CHLSN: variants seen among roughly 807,000 people sequenced by gnomAD.
CHLSN encodes cholesin, also known as protein cholesin.
At chr7:1,096,960 C>G in the CHLSN span, among the ~76,000 whole-genome samples, 1 of 152,140 alleles carries the variant, frequency 6.6e-6, no homozygotes, top group African/African-American at 2.4e-5. This position sits in a 1 kb window ranked among gnomAD's most constrained non-coding sequence, Gnocchi z 4.6. Context: ...CAAAGCCGTC[C>G]TAGACACCCC....
chr7:1,030,742 C>A, the CHLSN span, among the ~76,000 whole-genome samples: 1 of 150,134 alleles, frequency 6.7e-6, no homozygotes, highest in Admixed American at 6.6e-5. Flanking sequence ...GGGGGACTCT[C>A]TCTCTCTCCC....
At chr7:1,040,863 G>A in the CHLSN span, among the ~76,000 whole-genome samples, 1 of 152,238 alleles carries the variant, frequency 6.6e-6, no homozygotes, top group African/African-American at 2.4e-5. Context: ...ACAACGAGAA[G>A]GCGCAGCTCG....
the CHLSN span, chr7:1,087,383 T>C: frequency 6.6e-6 from 1 of 152,210 alleles, no homozygotes; most frequent in African/African-American, 2.4e-5. Context: ...TTTTTGCAGA[T>C]TTTGGAATAT....
chr7:1,104,889 T>C, the CHLSN span, among the ~76,000 whole-genome samples: 1 of 152,368 alleles, frequency 6.6e-6, no homozygotes, highest in East Asian at 1.9e-4. Context: ...TAATATTCTT[T>C]ACAAACATGA....
At chr7:1,070,619 C>T in the CHLSN span, among the ~76,000 whole-genome samples, 81,575 of 147,352 alleles carry the variant, frequency 0.55, 22,784 homozygotes, top group African/African-American at 0.69. Context: ...TGCATGCACA[C>T]ACGCACACAA....
At chr7:1,136,319 C>CATAT in the CHLSN span, among the ~76,000 whole-genome samples, 4 of 84,098 alleles carry the variant, frequency 4.8e-5, no homozygotes, top group Non-Finnish European at 4.0e-5. Flanking sequence ...TATATATAAA[C>CATAT]ATAAATATAT....
the CHLSN span, among the ~76,000 whole-genome samples, chr7:1,002,426 T>C: frequency 3.7e-5 from 4 of 109,402 alleles, no homozygotes; most frequent in Non-Finnish European, 5.6e-5. Context: ...GGGAGTCCTG[T>C]GGGTGGGGAG....
chr7:985,130 G>C, the CHLSN span: 2 of 1,604,056 alleles, frequency 1.2e-6, no homozygotes, highest in Non-Finnish European at 1.7e-6. Flanking sequence ...GCCCCTCCCC[G>C]GGCCTGGACG....
At chr7:1,100,775 A>C in the CHLSN span, among the ~76,000 whole-genome samples, 1 of 152,094 alleles carries the variant, frequency 6.6e-6, no homozygotes, top group African/African-American at 2.4e-5. Context: ...GTGGTTAAAA[A>C]AAAAAACAAA....
chr7:987,944 C>CCTGTGTGTCCTGGGGGTCCCCT, the CHLSN span, among the ~76,000 whole-genome samples: 2 of 125,312 alleles, frequency 1.6e-5, no homozygotes, highest in African/African-American at 7.2e-5. Flanking sequence ...GGGGGGGTCC[C>CCTGTGTGTCCTGGGGGTCCCCT]CTGTGTGTCC....
At chr7:980,174 C>T in the CHLSN span, among the ~76,000 whole-genome samples, 1 of 152,240 alleles carries the variant, frequency 6.6e-6, no homozygotes, top group African/African-American at 2.4e-5. Flanking sequence ...GAGTTTGGAA[C>T]CAGGTCTGTC....
At chr7:1,016,685 A>ATG in the CHLSN span, among the ~76,000 whole-genome samples, 1 of 132,662 alleles carries the variant, frequency 7.5e-6, no homozygotes, top group Non-Finnish European at 1.6e-5. Flanking sequence ...ACGCCAGGGC[A>ATG]CAGCAGCGCA....
At chr7:1,059,904 A>G in the CHLSN span, among the ~76,000 whole-genome samples, 726 of 21,110 alleles carry the variant, frequency 0.034, 29 homozygotes, top group Admixed American at 0.05. Context: ...GGTCTTAGTG[A>G]GGCGGGTCTT....
chr7:1,034,600 A>T, the CHLSN span, among the ~76,000 whole-genome samples: 2 of 152,220 alleles, frequency 1.3e-5, no homozygotes, highest in Non-Finnish European at 2.9e-5. Context: ...GCCCCATGTT[A>T]GCAATGTGAT....
the CHLSN span, among the ~76,000 whole-genome samples, chr7:1,117,566 G>A: frequency 7.4e-6 from 1 of 134,682 alleles, no homozygotes; most frequent in African/African-American, 3.1e-5. Flanking sequence ...GTCCACGCAG[G>A]ATGATGACAT....
chr7:1,107,478 A>G, the CHLSN span, among the ~76,000 whole-genome samples: 7 of 152,222 alleles, frequency 4.6e-5, no homozygotes, highest in African/African-American at 1.4e-4. Flanking sequence ...TCTACAGAGA[A>G]TAAGACCATG....
chr7:1,017,031 C>A, the CHLSN span, among the ~76,000 whole-genome samples: 9 of 150,634 alleles, frequency 6.0e-5, no homozygotes, highest in African/African-American at 2.2e-4. Flanking sequence ...AGCGCCCACC[C>A]ACGCACCCTG....
the CHLSN span, among the ~76,000 whole-genome samples, chr7:1,022,708 C>A: frequency 1.3e-5 from 2 of 152,154 alleles, no homozygotes; most frequent in Non-Finnish European, 2.9e-5. Context: ...TCTTATTCTG[C>A]AAAATAAACA....
the CHLSN span, chr7:1,055,337 T>C: frequency 2.1e-6 from 1 of 470,928 alleles, no homozygotes; most frequent in African/African-American, 2.0e-5. Context: ...CCAGGCGCGC[T>C]GCTGATAAGA....
Sources: allele counts gnomAD v4.1 joint callset (sites outside exome capture counted in the v4.1 genomes callset), GRCh38; gene constraint gnomAD v4.1.1; non-coding constraint Gnocchi (gnomAD v3.1); transcripts MANE v1.5; gene names NCBI Gene and HGNC (gene_info 2026-07-23, HGNC 2026-07-21).